Variants in NASP observed in about 807,000 individuals in gnomAD.
NASP encodes nuclear autoantigenic sperm protein, also known as NASP histone chaperone.
NASP carries 24 observed loss-of-function variants against 89.5 expected under a neutral mutation model. The observed-to-expected ratio is 0.27, with a 90% CI of 0.19 to 0.38. The LOEUF (loss-of-function observed/expected upper bound fraction) is 0.38, where lower values mean the gene tolerates loss of function less well. Ranked by LOEUF, NASP falls within the 10% of genes least tolerant of loss-of-function variation. The pLI is 1.00. For missense variants in NASP, 848 were observed against 921.4 expected, an observed-to-expected ratio of 0.92 and a Z score of 1.03; for synonymous variants, 306 against 324.7, an observed-to-expected ratio of 0.94 and a Z score of 0.62.
At chr1:45,614,850 A>G (rs2148372623) in intron 9 of NASP, 163 bp from the exon 10 acceptor site, 1 of 673,836 alleles carries the variant, frequency 1.5e-6, no homozygotes, top group Non-Finnish European at 2.4e-6. Context: ...GTAGGTTTTT[A>G]AAAGTCATTT....
At chr1:45,613,377 G>A (rs1019457380) in intron 7 of NASP, 129 bp downstream of exon 7, 12 of 1,052,596 alleles carry the variant, frequency 1.1e-5, no homozygotes, top group Admixed American at 1.0e-4. Flanking sequence ...GCCTAGACCC[G>A]GGCTTAAGTG....
chr1:45,616,343 A>G lies in NASP; in HGVS notation c.2029A>G (p.Ser677Gly). 6.2e-7 allele frequency: 1 copy of G among 1,614,106 alleles called. No individual in the cohort carries two copies. Among genetic ancestry groups the G allele is most frequent in the African/African-American group, 1.3e-5 (1 of 75,020 alleles). ...ELALKATLVE[S>G]STSGFTPGGG... ...GATTTGTCATTTCTCGCAGGTGGAG[A>G]GTTCTACTTCAGGTTTCACTCCTGG... The change falls in exon 12 of 15, where the codon AGT becomes GGT. Residue 677 changes from serine to glycine, a missense_variant. This residue lies in a region of NASP where 218 missense variants were observed against 219.6 expected (regional missense o/e 0.99). Transcript: ENST00000350030.
Position 45,611,855 on chromosome 1 carries a change from CTT to C in NASP, c.1427-1293_1427-1292del, listed in dbSNP as rs997981433. Reference sequence around the variant, plus strand: ...GTCCTCAGTAAATTTGTTAAAGTATCTTTTTTTTTTTTTTTTTTTTTTGAGAC... The same window carrying C: ...GTCCTCAGTAAATTTGTTAAAGTATCTTTTTTTTTTTTTTTTTTTTGAGAC... On this transcript the variant is annotated intron_variant, in intron 6 of 14. Transcript: ENST00000350030. 7.1e-3 allele frequency: 748 copies of C among 105,128 alleles called. 2 individuals carry two copies. The highest frequency in any genetic ancestry group is 0.02 in the African/African-American group (492 of 25,102). The allele number at this position is 105,128 out of a possible 1,614,324, so 6.5% of individuals were successfully genotyped here.
chr1:45,589,671 G>A (rs1389612484), intron 1 of NASP, among the ~76,000 whole-genome samples: 2 of 151,970 alleles, frequency 1.3e-5, no homozygotes, highest in African/African-American at 2.4e-5. Context: ...AGGCCCAGGC[G>A]GGAGGATCAC....
At chr1:45,599,467 A>G (rs538782345) in intron 2 of NASP, among the ~76,000 whole-genome samples, 2 of 150,770 alleles carry the variant, frequency 1.3e-5, no homozygotes, top group Admixed American at 1.3e-4. Flanking sequence ...TCGCCCTGTC[A>G]CCCAGGCTGG....
intron 12 of NASP, 30 bp downstream of exon 12, chr1:45,616,423 T>C: frequency 6.2e-7 from 1 of 1,608,026 alleles, no homozygotes; most frequent in Non-Finnish European, 8.5e-7. Flanking sequence ...TTTGGTCACT[T>C]ACATTAAGTC....
At chr1:45,602,219 CAG>C in intron 2 of NASP, 34 bp from the exon 3 acceptor site, 1 of 1,581,258 alleles carries the variant, frequency 6.3e-7, no homozygotes, top group South Asian at 1.2e-5. Flanking sequence ...CTGATTTAAA[CAG>C]TACTTGACAC....
In NASP at chr1:45,584,064, CTGAG is replaced by C; in HGVS notation, c.-77_-74del. 1 of 1,345,106 alleles carries C rather than the reference CTGAG, an allele frequency of 7.4e-7. No individual in the cohort carries two copies. Among genetic ancestry groups the C allele is most frequent in the Non-Finnish European group, 1.0e-6 (1 of 965,578 alleles). 83.3% of individuals were successfully genotyped at this position (1,345,106 alleles called of 1,614,324 possible). The stretch of plus-strand genomic sequence containing the variant: ...GTCTCTAATCTGCCATTTTCTGTCC[CTGAG>C]TGAGTCTCTGGCGTCCCAAATTGCC... On this transcript the variant is annotated 5_prime_UTR_variant, in exon 1 of 15. Coordinates refer to ENST00000350030, the MANE Select transcript of NASP (RefSeq NM_002482.4).
chr1:45,600,514 T>C (rs1643814071), intron 2 of NASP: 1 of 1,041,274 alleles, frequency 9.6e-7, no homozygotes, highest in Non-Finnish European at 1.2e-6. Flanking sequence ...ATTTTGAGAT[T>C]CATCCATGTT....
chr1:45,616,435 C>T (rs1190877650), intron 12 of NASP, 42 bp downstream of exon 12: 6 of 1,595,648 alleles, frequency 3.8e-6, no homozygotes, highest in Non-Finnish European at 5.2e-6. Context: ...CATTAAGTCT[C>T]AGTGTTGGCT....
chr1:45,594,163 T>TA (rs35385027), intron 2 of NASP, among the ~76,000 whole-genome samples: 71,004 of 151,444 alleles, frequency 0.47, 16,803 homozygotes, highest in East Asian at 0.62. Context: ...CCGTCTCTAC[T>TA]AAAAAAGATA....
intron 9 of NASP, among the ~76,000 whole-genome samples, chr1:45,614,759 G>A (rs1419058777): frequency 6.6e-6 from 1 of 151,948 alleles, no homozygotes; most frequent in African/African-American, 2.4e-5. Context: ...GGCTGGTCTT[G>A]AACTCCTGAC....
chr1:45,607,647 T>A lies in NASP; in HGVS notation c.736T>A (p.Ser246Thr). The change falls in exon 6 of 15, where the codon TCT (serine) becomes ACT (threonine). Residue 246 changes from serine (S) to threonine (T), a missense_variant. Ser to Thr is a moderately conservative substitution (Grantham distance 58). Transcript: ENST00000350030. ...AGATGCTGAGGAAGAAAAATCAGTT[T>A]CTGGAACTGATGTCCAAGAAGAGTG... The part of the protein sequence containing the change: ...VPDAEEEKSV[S>T]GTDVQEECRE... The A allele has an allele frequency of 6.2e-7, 1 of 1,614,104 alleles. No individual in the cohort carries two copies. Among genetic ancestry groups the A allele is most frequent in the Non-Finnish European group, 8.5e-7 (1 of 1,180,022 alleles).
chr1:45,585,168 A>G (rs1644513625), intron 1 of NASP, among the ~76,000 whole-genome samples: 1 of 152,146 alleles, frequency 6.6e-6, no homozygotes, highest in South Asian at 2.1e-4. Context: ...GTGGAGGGAA[A>G]CACTACACGA....
Position 45,616,326 on chromosome 1 carries a change from A to G in NASP, c.2023-11A>G. 6.2e-7 allele frequency: 1 copy of G among 1,613,776 alleles called. No individual in the cohort carries two copies. Among genetic ancestry groups the G allele is most frequent in the Non-Finnish European group, 8.5e-7 (1 of 1,179,786 alleles). On this transcript the variant is annotated splice_polypyrimidine_tract_variant and intron_variant, in intron 11 of 14. Transcript: ENST00000350030. The stretch of plus-strand genomic sequence containing the variant: ...ATCTTCAAACTAATTTGGATTTGTC[A>G]TTTCTCGCAGGTGGAGAGTTCTACT...
chr1:45,615,220 C>CT lies in NASP; in HGVS notation c.1855+21dup. ...AGAATGGGTGAGTGAAGACGAGCTGCTTCATGGTGATGTTGGATCCAGCAA... is the reference window on the plus strand; with the variant it reads ...AGAATGGGTGAGTGAAGACGAGCTGCTTTCATGGTGATGTTGGATCCAGCAA... On this transcript the variant is annotated intron_variant, in intron 10 of 14. Transcript: ENST00000350030. The CT allele has an allele frequency of 6.2e-7, 1 of 1,612,946 alleles. No individual in the cohort carries two copies. The highest frequency in any genetic ancestry group is 8.5e-7 in the Non-Finnish European group (1 of 1,179,122).
In NASP at chr1:45,616,375, A is replaced by C. The variant is rs1644105574; in HGVS notation, c.2061A>C (p.Gly687=). 1 of 1,614,092 alleles carries C rather than the reference A, an allele frequency of 6.2e-7. No individual in the cohort carries two copies. Among genetic ancestry groups the C allele is most frequent in the Middle Eastern group, 1.6e-4 (1 of 6,062 alleles). The change falls in exon 12 of 15, where the codon GGA becomes GGC. Residue 687 remains glycine (G), a synonymous_variant. Coordinates refer to ENST00000350030, the MANE Select transcript of NASP (RefSeq NM_002482.4). ...CTTCAGGTTTCACTCCTGGTGGAGGAGGCTCTTCAGTCTCCATGGTGCGTA... is the reference window on the plus strand; with the variant it reads ...CTTCAGGTTTCACTCCTGGTGGAGGCGGCTCTTCAGTCTCCATGGTGCGTA... ...SSTSGFTPGG[G]GSSVSMIASR... is the part of the protein sequence containing the mutation.
intron 2 of NASP, among the ~76,000 whole-genome samples, chr1:45,593,357 A>G (rs1241174654): frequency 6.6e-6 from 1 of 151,848 alleles, no homozygotes; most frequent in Non-Finnish European, 1.5e-5. Flanking sequence ...ACATGGTGAA[A>G]CCCTCTCTCT....
At chr1:45,603,278 A>G (rs1218901279) in intron 3 of NASP, among the ~76,000 whole-genome samples, 1 of 152,254 alleles carries the variant, frequency 6.6e-6, no homozygotes, top group Admixed American at 6.5e-5. Flanking sequence ...AGTTTCCTCA[A>G]ATATAGTATT....
Sources: gnomAD v4.1 joint callset for allele counts (sites outside exome capture counted in the v4.1 genomes callset) on GRCh38, gnomAD v4.1.1 for gene constraint, gnomAD v4.1.1 regional missense constraint, MANE v1.5 for transcripts, NCBI Gene and HGNC (gene_info 2026-07-23, HGNC 2026-07-21) for gene names.